DAP3: variants seen among roughly 807,000 people sequenced by gnomAD.
DAP3 encodes small ribosomal subunit protein mS29.
Under a neutral mutation model 51.9 loss-of-function variants are expected in DAP3, and 28 were observed. The ratio of observed to expected loss-of-function variants is 0.54; its 90% confidence interval spans 0.40 to 0.74. DAP3 has a LOEUF of 0.74. DAP3 is among the 30% of genes least tolerant of loss of function. The pLI, the probability that DAP3 is intolerant of heterozygous loss-of-function variation, is 0.00. For missense variants in DAP3, 458 were observed against 483.5 expected (o/e 0.95, Z 0.49); for synonymous variants, 170 against 170.3 (o/e 1.00, Z 0.01).
chr1:155,692,068 A>G (rs1653894441), intron 1 of DAP3, among the ~76,000 whole-genome samples: 1 of 141,696 alleles, frequency 7.1e-6, no homozygotes, highest in African/African-American at 3.2e-5. Flanking sequence ...TCATACACAT[A>G]ATCTGTAGCA....
At chr1:155,696,043 A>G (rs1312142354) in intron 1 of DAP3, among the ~76,000 whole-genome samples, 1 of 152,160 alleles carries the variant, frequency 6.6e-6, no homozygotes, top group Non-Finnish European at 1.5e-5. Flanking sequence ...TATTTATTGG[A>G]ACTATAATCT....
intron 1 of DAP3, among the ~76,000 whole-genome samples, chr1:155,700,797 C>T (rs1268938579): frequency 3.0e-5 from 4 of 131,968 alleles, no homozygotes; most frequent in Admixed American, 2.9e-4. Context: ...GTGAGGGGTG[C>T]CTCTGCCCGG....
intron 1 of DAP3, among the ~76,000 whole-genome samples, chr1:155,698,925 C>T (rs1036719708): frequency 7.9e-5 from 12 of 152,290 alleles, no homozygotes; most frequent in South Asian, 4.1e-4. Context: ...CCATTTCACA[C>T]GCTTGAGCAT....
chr1:155,697,012 C>T (rs1288768293), intron 1 of DAP3, among the ~76,000 whole-genome samples: 1 of 152,156 alleles, frequency 6.6e-6, no homozygotes, highest in African/African-American at 2.4e-5. Flanking sequence ...GCACCATCTA[C>T]CATACTTTTT....
At chr1:155,698,689 C>G (rs1399402192) in intron 1 of DAP3, among the ~76,000 whole-genome samples, 1 of 152,176 alleles carries the variant, frequency 6.6e-6, no homozygotes, top group Non-Finnish European at 1.5e-5. Context: ...GTTCTCTGTT[C>G]CGGGAACCAA....
chr1:155,688,723 GC>G (rs1359935084), upstream of DAP3: 29 of 1,195,918 alleles, frequency 2.4e-5, no homozygotes, highest in Non-Finnish European at 3.1e-5. Context: ...CTCCCCGCCC[GC>G]ACGGCCACCA....
intron 3 of DAP3, 70 bp from the exon 4 acceptor site, chr1:155,721,447 T>C (rs1658006761): frequency 3.1e-6 from 4 of 1,304,094 alleles, no homozygotes; most frequent in Middle Eastern, 1.9e-4. Context: ...TACACACACA[T>C]AGATAAGACA....
intron 11 of DAP3, among the ~76,000 whole-genome samples, chr1:155,732,486 C>T (rs1350320387): frequency 2.0e-5 from 3 of 152,126 alleles, no homozygotes; most frequent in Non-Finnish European, 2.9e-5. Flanking sequence ...CTACCTCAGC[C>T]TCCCAAAGTG....
At chr1:155,694,382 G>A (rs1654250361) in intron 1 of DAP3, among the ~76,000 whole-genome samples, 1 of 141,756 alleles carries the variant, frequency 7.1e-6, no homozygotes, top group Non-Finnish European at 1.5e-5. Context: ...AGGTGGAAAT[G>A]GGACGTATGC....
chr1:155,713,818 C>T (rs1657005285), intron 2 of DAP3, among the ~76,000 whole-genome samples: 1 of 152,262 alleles, frequency 6.6e-6, no homozygotes, highest in South Asian at 2.1e-4. Context: ...TCTAGGATTT[C>T]TAGGTTTAAA....
chr1:155,721,692 T>A, intron 4 of DAP3, 74 bp downstream of exon 4: 1 of 1,407,508 alleles, frequency 7.1e-7, no homozygotes. Context: ...TGGGGCTAAA[T>A]GAGAAGAAAA....
intron 1 of DAP3, among the ~76,000 whole-genome samples, chr1:155,708,012 T>TTA (rs1656211731): frequency 6.6e-6 from 1 of 152,142 alleles, no homozygotes; most frequent in Admixed American, 6.6e-5. Flanking sequence ...ATGAACCTCC[T>TTA]TATATATATT....
intron 1 of DAP3, among the ~76,000 whole-genome samples, chr1:155,704,567 G>A (rs1437373211): frequency 1.3e-5 from 2 of 152,176 alleles, no homozygotes; most frequent in African/African-American, 4.8e-5. Flanking sequence ...GAAAAGGCAG[G>A]CAGGCCAGTA....
At chr1:155,706,170 A>C (rs1450564927) in intron 1 of DAP3, among the ~76,000 whole-genome samples, 2 of 151,598 alleles carry the variant, frequency 1.3e-5, no homozygotes, top group Admixed American at 1.3e-4. Flanking sequence ...AAACTAATTA[A>C]TTTTTTTCTT....
At position 155,723,118 on chromosome 1, in the gene DAP3, G is replaced by A. The variant is rs1205629976; in HGVS notation, c.270+1500G>A. Among the ~76,000 whole-genome samples the A allele has an allele frequency of 6.6e-5, 10 of 151,704 alleles. No homozygotes were observed. In the East Asian group the frequency reaches 9.7e-4, roughly 15 times the overall value. On this transcript the variant is annotated intron_variant, in intron 4 of 12. Coordinates refer to ENST00000368336, the MANE Select transcript of DAP3 (RefSeq NM_004632.4). ...TCCTTTTGGAGCAGACCTAACTCAC[G>A]GACAGTGTGCCCAGGGTAGCTGACT...
intron 5 of DAP3, 49 bp downstream of exon 5, chr1:155,725,539 C>T (rs1658474721): frequency 6.6e-7 from 1 of 1,515,352 alleles, no homozygotes; most frequent in Non-Finnish European, 9.2e-7. Flanking sequence ...GCTTTCTCCC[C>T]TCAAATAAGG....
chr1:155,717,278 T>A, intron 3 of DAP3, 150 bp downstream of exon 3: 1 of 1,267,382 alleles, frequency 7.9e-7, no homozygotes, highest in Non-Finnish European at 1.1e-6. Context: ...GGAACCCAGA[T>A]TCTCCCTGTC....
intron 3 of DAP3, 54 bp from the exon 4 acceptor site, chr1:155,721,463 G>T: frequency 1.3e-6 from 2 of 1,534,420 alleles, no homozygotes; most frequent in Non-Finnish European, 1.8e-6. Context: ...AGACAAAAAA[G>T]AAAGTCTTGG....
At chr1:155,691,304 T>C (rs1284833984) in intron 1 of DAP3, among the ~76,000 whole-genome samples, 1 of 142,008 alleles carries the variant, frequency 7.0e-6, no homozygotes, top group Admixed American at 6.6e-5. Context: ...TCGCAACCAC[T>C]AAATCAGTTT....
Sources: gnomAD v4.1 joint callset for allele counts (sites outside exome capture counted in the v4.1 genomes callset) on GRCh38, gnomAD v4.1.1 for gene constraint, MANE v1.5 for transcripts, NCBI Gene and HGNC (gene_info 2026-07-23, HGNC 2026-07-21) for gene names.